The following XXYLT1 variants were observed in gnomAD, a reference collection of about 807,000 sequenced individuals.
The protein encoded by XXYLT1 is UDP-xylose:alpha-xyloside alpha-1,3-xylosyltransferase.
A neutral mutation model predicts 28.9 loss-of-function variants in XXYLT1; 20 were observed. The observed-to-expected ratio is 0.69, with a 90% CI of 0.49 to 1.00. XXYLT1 has a LOEUF of 1.00. XXYLT1 is among the 50% of genes least tolerant of loss of function. XXYLT1 has a pLI of 0.00. For synonymous variants in XXYLT1, 257 were observed against 253.8 expected (o/e 1.01, Z -0.12); for missense variants, 542 against 560.1 (o/e 0.97, Z 0.33).
chr3:195,113,196 A>T (rs1331525579), intron 3 of XXYLT1, among the ~76,000 whole-genome samples: 1 of 152,180 alleles, frequency 6.6e-6, no homozygotes, highest in East Asian at 1.9e-4. Context: ...CACAGTAAGG[A>T]TGGAGCCGCC....
intron 2 of XXYLT1, among the ~76,000 whole-genome samples, chr3:195,207,101 G>A (rs1273219419): frequency 1.3e-5 from 2 of 152,240 alleles, no homozygotes; most frequent in Non-Finnish European, 2.9e-5. Context: ...GGCTGAGCCA[G>A]CCTGGAAGAG....
intron 3 of XXYLT1, among the ~76,000 whole-genome samples, chr3:195,116,460 C>T (rs1718049074): frequency 1.3e-5 from 2 of 152,172 alleles, no homozygotes; most frequent in Admixed American, 1.3e-4. Context: ...AGACTTGAAG[C>T]TTCAGAAACA....
chr3:195,266,753 G>A (rs1343389115), intron 1 of XXYLT1, among the ~76,000 whole-genome samples: 1 of 152,166 alleles, frequency 6.6e-6, no homozygotes, highest in Non-Finnish European at 1.5e-5. Context: ...GCCTGCCTCT[G>A]TAACTCCATC....
At chr3:195,117,075 G>A (rs1477351801) in intron 3 of XXYLT1, among the ~76,000 whole-genome samples, 2 of 149,562 alleles carry the variant, frequency 1.3e-5, no homozygotes, top group Non-Finnish European at 3.0e-5. Context: ...TAGTTTATTG[G>A]GAAAACAATC....
At chr3:195,112,567 G>A (rs1717809134) in intron 3 of XXYLT1, among the ~76,000 whole-genome samples, 1 of 145,612 alleles carries the variant, frequency 6.9e-6, no homozygotes, top group Non-Finnish European at 1.5e-5. Flanking sequence ...AGATGAAGCA[G>A]TGCACACACA....
chr3:195,262,055 G>A (rs1725714693), intron 1 of XXYLT1, among the ~76,000 whole-genome samples: 1 of 152,234 alleles, frequency 6.6e-6, no homozygotes, highest in African/African-American at 2.4e-5. Flanking sequence ...AATGTTCACA[G>A]CAGCATTATT....
At chr3:195,230,893 A>AT (rs983768687) in intron 1 of XXYLT1, among the ~76,000 whole-genome samples, 1 of 151,750 alleles carries the variant, frequency 6.6e-6, no homozygotes, top group South Asian at 2.1e-4. Context: ...AAATTTTAGG[A>AT]TTTTTTTCCT....
chr3:195,154,589 C>G (rs1029757276), intron 3 of XXYLT1, among the ~76,000 whole-genome samples: 1 of 152,150 alleles, frequency 6.6e-6, no homozygotes, highest in Non-Finnish European at 1.5e-5. Context: ...TCGGTAAACA[C>G]ACTGCGCTCC....
chr3:195,252,719 C>G (rs558745277), intron 1 of XXYLT1, among the ~76,000 whole-genome samples: 2,812 of 137,510 alleles, frequency 0.02, 116 homozygotes, highest in African/African-American at 0.082. Context: ...CACACACACA[C>G]ACACACACAG....
At chr3:195,236,977 A>G (rs900985907) in intron 1 of XXYLT1, among the ~76,000 whole-genome samples, 2 of 152,088 alleles carry the variant, frequency 1.3e-5, no homozygotes, top group Non-Finnish European at 2.9e-5. Context: ...GTTGCATGAC[A>G]AAGTCCTCTT....
At position 195,069,737 on chromosome 3, in the gene XXYLT1, T is replaced by C; in HGVS notation, c.1160A>G (p.Asn387Ser). ...GHVKIYHGNC[N>S]TPIPED Reference sequence around the variant, plus strand: ...CGCCTAGTCCTCCGGGATGGGAGTGTTGCAGTTCCCGTGGTAGATCTTGAC... The same window carrying C: ...CGCCTAGTCCTCCGGGATGGGAGTGCTGCAGTTCCCGTGGTAGATCTTGAC... Residue 387 changes from asparagine to serine, a missense_variant, in exon 4 of 4, where the codon AAC becomes AGC. Coordinates refer to ENST00000310380, the MANE Select transcript of XXYLT1 (RefSeq NM_152531.5). The C allele has an allele frequency of 6.2e-7, 1 of 1,613,490 alleles. No homozygotes were observed. The highest frequency in any genetic ancestry group is 8.5e-7 in the Non-Finnish European group (1 of 1,179,918).
chr3:195,207,462 G>A (rs996268307), intron 2 of XXYLT1: 1 of 456,500 alleles, frequency 2.2e-6, no homozygotes, highest in Non-Finnish European at 4.4e-6. Context: ...CTTCTGTTAT[G>A]TGCAAGATGT....
chr3:195,081,758 G>A (rs1271381605), intron 3 of XXYLT1, among the ~76,000 whole-genome samples: 1 of 152,194 alleles, frequency 6.6e-6, no homozygotes, highest in East Asian at 1.9e-4. Flanking sequence ...CAAGTTCAGC[G>A]AGCAGCAGTG....
chr3:195,188,385 C>T (rs1222482147), intron 2 of XXYLT1, among the ~76,000 whole-genome samples: 2 of 152,206 alleles, frequency 1.3e-5, no homozygotes, highest in African/African-American at 2.4e-5. Flanking sequence ...TTTAGCATTG[C>T]CATGGCAACA....
At position 195,070,078 on chromosome 3, in the gene XXYLT1, G is replaced by A. The variant is rs1458612534; in HGVS notation, c.819C>T (p.Pro273=). Reference sequence around the variant, plus strand: ...GGGGCGGGCCCCCAACCCGGGTCTGGGGGTTCTCATGGCGGAACTGCCAGA... The same window carrying A: ...GGGGCGGGCCCCCAACCCGGGTCTGAGGGTTCTCATGGCGGAACTGCCAGA... ...HTFWQFRHEN[P]QTRVGGPPPE... The change falls in exon 4 of 4, where the codon CCC becomes CCT. Residue 273 remains proline, a synonymous_variant. Coordinates refer to ENST00000310380, the MANE Select transcript of XXYLT1 (RefSeq NM_152531.5). 1 of 1,586,230 alleles carries A rather than the reference G, an allele frequency of 6.3e-7. No homozygotes were observed. Among genetic ancestry groups the A allele is most frequent in the Non-Finnish European group, 8.5e-7 (1 of 1,173,718 alleles).
At chr3:195,147,520 A>T (rs1379992624) in intron 3 of XXYLT1, among the ~76,000 whole-genome samples, 1 of 152,190 alleles carries the variant, frequency 6.6e-6, no homozygotes, top group Non-Finnish European at 1.5e-5. Context: ...CAGTGAGCCA[A>T]GATCACACCA....
intron 3 of XXYLT1, among the ~76,000 whole-genome samples, chr3:195,083,515 C>T (rs1370395937): frequency 6.6e-6 from 1 of 152,182 alleles, no homozygotes; most frequent in Non-Finnish European, 1.5e-5. Context: ...CCTCAGAAGT[C>T]AGGGTCATCC....
chr3:195,141,655 C>T (rs1719497335), intron 3 of XXYLT1, among the ~76,000 whole-genome samples: 1 of 152,184 alleles, frequency 6.6e-6, no homozygotes, highest in Admixed American at 6.5e-5. Context: ...GGTCACACTC[C>T]ATTAGCCTTT....
chr3:195,194,142 T>A (rs1203919044), intron 2 of XXYLT1, among the ~76,000 whole-genome samples: 1 of 151,818 alleles, frequency 6.6e-6, no homozygotes, highest in Non-Finnish European at 1.5e-5. Flanking sequence ...GAAAAATATT[T>A]GTAAATCGTA....
Sources: allele counts gnomAD v4.1 joint callset (sites outside exome capture counted in the v4.1 genomes callset), GRCh38; gene constraint gnomAD v4.1.1; transcripts MANE v1.5; gene names NCBI Gene and HGNC (gene_info 2026-07-23, HGNC 2026-07-21).